Variants in ERBIN observed in about 807,000 individuals in gnomAD.
ERBIN encodes densin-180-like protein.
Under a neutral mutation model 158.4 loss-of-function variants are expected in ERBIN, and 60 were observed. That is an observed-to-expected ratio of 0.38 (90% confidence interval 0.31 to 0.47). The LOEUF (loss-of-function observed/expected upper bound fraction) is 0.47, where lower values mean the gene tolerates loss of function less well. Among genes scored for constraint, ERBIN ranks in the 20% least tolerant of loss-of-function variants. The pLI, the probability that ERBIN is intolerant of heterozygous loss-of-function variation, is 0.99. For missense variants in ERBIN, 1,610 were observed against 1,648.0 expected, an observed-to-expected ratio of 0.98 and a Z score of 0.40; for synonymous variants, 594 against 557.2, an observed-to-expected ratio of 1.07 and a Z score of -0.93.
At chr5:65,932,029 G>T (rs556076795) in intron 1 of ERBIN, among the ~76,000 whole-genome samples, 2 of 151,892 alleles carry the variant, frequency 1.3e-5, no homozygotes, top group African/African-American at 2.4e-5. Context: ...CGTTGGTCAG[G>T]CTGGTCTTGA....
intron 1 of ERBIN, among the ~76,000 whole-genome samples, chr5:65,941,782 C>G (rs1361266157): frequency 1.3e-5 from 2 of 151,962 alleles, no homozygotes; most frequent in Admixed American, 6.6e-5. Context: ...GTTTTGTCGC[C>G]CAGGCTGGAG....
At chr5:65,973,720 G>GT (rs889509929) in intron 1 of ERBIN, among the ~76,000 whole-genome samples, 5 of 151,382 alleles carry the variant, frequency 3.3e-5, no homozygotes, top group Non-Finnish European at 5.9e-5. Context: ...GGAGTCAGTA[G>GT]TAAGGCAAAA....
At chr5:65,945,696 TC>T (rs1745652969) in intron 1 of ERBIN, among the ~76,000 whole-genome samples, 1 of 152,236 alleles carries the variant, frequency 6.6e-6, no homozygotes, top group African/African-American at 2.4e-5. Context: ...TAGCTAATTT[TC>T]TTTTTAAAAT....
At chr5:66,001,152 T>A (rs1752979594) in intron 4 of ERBIN, among the ~76,000 whole-genome samples, 1 of 152,184 alleles carries the variant, frequency 6.6e-6, no homozygotes, top group Admixed American at 6.5e-5. Context: ...ATGTAATATT[T>A]TGAAATTATT....
Position 66,054,129 on chromosome 5 carries a change from A to G in ERBIN, c.2811A>G (p.Ile937Met), listed in dbSNP as rs1205884216. ...GTTCTTCCTCATCTTCTGATTTAAT[A>G]TCAGGAACAAAGGCAATTTTCAAGT... is the stretch of plus-strand genomic sequence containing the variant. ...FTGSSSSSDL[I>M]SGTKAIFKFD... The change falls in exon 21 of 26, where the codon ATA (isoleucine) becomes ATG (methionine). Residue 937 changes from isoleucine (I) to methionine (M), a missense_variant. Ile to Met is a conservative substitution (Grantham distance 10). Coordinates refer to ENST00000284037, the MANE Select transcript of ERBIN (RefSeq NM_001253697.2). 2.5e-6 allele frequency: 4 copies of G among 1,614,082 alleles called. No homozygotes were observed. Among genetic ancestry groups the G allele is most frequent in the South Asian group, 1.1e-5 (1 of 91,094 alleles).
intron 4 of ERBIN, among the ~76,000 whole-genome samples, chr5:66,005,621 A>G (rs1422280492): frequency 6.6e-6 from 1 of 152,208 alleles, no homozygotes; most frequent in African/African-American, 2.4e-5. Context: ...CCCTGTTTGC[A>G]GATGACATGA....
At chr5:66,069,025 G>A (rs1761287705) in intron 21 of ERBIN, 2 of 1,531,160 alleles carry the variant, frequency 1.3e-6, no homozygotes, top group African/African-American at 1.4e-5. Context: ...TTTCGAGTGA[G>A]TACCTACACT....
chr5:65,932,462 G>A (rs1743561013), intron 1 of ERBIN, among the ~76,000 whole-genome samples: 1 of 152,002 alleles, frequency 6.6e-6, no homozygotes, highest in Non-Finnish European at 1.5e-5. Context: ...CAACATCAGT[G>A]TAAAATGTAA....
At chr5:65,962,455 C>T (rs766655352) in intron 1 of ERBIN, among the ~76,000 whole-genome samples, 5 of 151,120 alleles carry the variant, frequency 3.3e-5, no homozygotes, top group Admixed American at 6.6e-5. Context: ...ACTTATGCAA[C>T]GTGAGAGAAG....
At position 66,053,464 on chromosome 5, in the gene ERBIN, A is replaced by G; in HGVS notation, c.2146A>G (p.Thr716Ala). 6.3e-7 allele frequency: 1 copy of G among 1,594,212 alleles called. No individual in the cohort carries two copies. ...LQNGDILNSS[T>A]EEKFKAHDKK... ...AAATGGAGATATTTTAAACAGTTCA[A>G]CAGAGGAAAAGTTCAAAGCTCATGA... Residue 716 changes from threonine to alanine, a missense_variant, in exon 21 of 26, where the codon ACA becomes GCA. Physicochemically the swap from Thr to Ala is moderately conservative, Grantham distance 58. Coordinates refer to ENST00000284037, the MANE Select transcript of ERBIN (RefSeq NM_001253697.2).
At chr5:65,984,254 C>T (rs1750967644) in intron 1 of ERBIN, among the ~76,000 whole-genome samples, 1 of 151,054 alleles carries the variant, frequency 6.6e-6, no homozygotes. Context: ...GCAGTGGGGC[C>T]CCTGCCCACT....
At chr5:65,981,360 CAG>C (rs1221861488) in intron 1 of ERBIN, among the ~76,000 whole-genome samples, 2 of 151,634 alleles carry the variant, frequency 1.3e-5, no homozygotes, top group East Asian at 1.9e-4. Flanking sequence ...ATTCTAAGGA[CAG>C]AAAAAGAAAT....
At chr5:65,934,185 C>G (rs775030264) in intron 1 of ERBIN, among the ~76,000 whole-genome samples, 2 of 152,168 alleles carry the variant, frequency 1.3e-5, no homozygotes, top group Non-Finnish European at 2.9e-5. Context: ...CGTGAGCCAC[C>G]GCGCCCAGCC....
In ERBIN at chr5:65,964,566, A is replaced by AAACT. The variant is rs1447596774; in HGVS notation, c.-57-24067_-57-24064dup. Among the ~76,000 whole-genome samples the AAACT allele has an allele frequency of 2.0e-5, 3 of 152,170 alleles. No homozygotes were observed. The East Asian group carries it at 5.8e-4, about 29-fold the overall frequency. ...AATATATACTTTGTCAGAGGAAGGA[A>AAACT]AACTATGTACTTGCAACAAACATGG... On this transcript the variant is annotated intron_variant, in intron 1 of 25. Coordinates refer to ENST00000284037, the MANE Select transcript of ERBIN (RefSeq NM_001253697.2).
Position 66,053,633 on chromosome 5 carries a change from C to G in ERBIN, c.2315C>G (p.Thr772Ser). The part of the protein sequence containing the change: ...HINMNLNKLI[T>S]NDTFQPEIME... Reference sequence around the variant, plus strand: ...AATATGAATCTTAATAAACTTATAACTAATGATACATTTCAACCAGAGATC... The same window carrying G: ...AATATGAATCTTAATAAACTTATAAGTAATGATACATTTCAACCAGAGATC... Residue 772 changes from threonine to serine, a missense_variant, in exon 21 of 26, where the codon ACT becomes AGT. Thr to Ser is a moderately conservative substitution (Grantham distance 58). Transcript: ENST00000284037. 6.2e-7 allele frequency: 1 copy of G among 1,612,480 alleles called. No individual in the cohort carries two copies. Among genetic ancestry groups the G allele is most frequent in the Non-Finnish European group, 8.5e-7 (1 of 1,179,498 alleles).
At chr5:65,941,194 T>A (rs1007457767) in intron 1 of ERBIN, among the ~76,000 whole-genome samples, 4 of 151,684 alleles carry the variant, frequency 2.6e-5, no homozygotes, top group Admixed American at 2.6e-4. Flanking sequence ...GGCCGCAGGG[T>A]CCTCTGCATA....
chr5:65,936,839 G>T (rs1320855528), intron 1 of ERBIN, among the ~76,000 whole-genome samples: 2 of 152,196 alleles, frequency 1.3e-5, no homozygotes, highest in Non-Finnish European at 2.9e-5. Context: ...TCCGGTATGT[G>T]TAGTTAAAAT....
chr5:65,960,988 T>C (rs1437937133), intron 1 of ERBIN, among the ~76,000 whole-genome samples: 1 of 152,216 alleles, frequency 6.6e-6, no homozygotes, highest in African/African-American at 2.4e-5. Flanking sequence ...ATGACTCTTT[T>C]GACAACCACT....
At chr5:66,043,719 A>G (rs1240476362) in intron 16 of ERBIN, among the ~76,000 whole-genome samples, 1 of 152,216 alleles carries the variant, frequency 6.6e-6, no homozygotes, top group East Asian at 1.9e-4. Flanking sequence ...ATACAAACTT[A>G]GCTGAATCTC....
Sources: gnomAD v4.1 joint callset for allele counts (sites outside exome capture counted in the v4.1 genomes callset) on GRCh38, gnomAD v4.1.1 for gene constraint, MANE v1.5 for transcripts, NCBI Gene and HGNC (gene_info 2026-07-23, HGNC 2026-07-21) for gene names.